Variants in MYO9A observed in about 807,000 individuals in gnomAD.
MYO9A encodes the protein unconventional myosin-IXa.
A neutral mutation model predicts 293.3 loss-of-function variants in MYO9A; 103 were observed. The observed-to-expected ratio is 0.35, with a 90% CI of 0.30 to 0.41. MYO9A has a LOEUF of 0.41. MYO9A is among the 10% of genes least tolerant of loss of function. MYO9A has a pLI of 1.00. For synonymous variants in MYO9A, 1,001 were observed against 1,035.7 expected (o/e 0.97, Z 0.64); for missense variants, 2,685 against 3,033.0 (o/e 0.89, Z 2.69).
At position 72,038,768 on chromosome 15, in the gene MYO9A, T is replaced by A. The variant is rs376754765; in HGVS notation, c.841-6180A>T. Among the ~76,000 whole-genome samples, 5 of 152,294 alleles carry A rather than the reference T, an allele frequency of 3.3e-5. No homozygotes were observed. In the East Asian group the frequency reaches 7.7e-4, roughly 23 times the overall value. ...CCAGATCAGCCCAAGACTGCTACCATGTGTATTATGACGTGAGAGAAATAA... is the reference window on the plus strand; with the variant it reads ...CCAGATCAGCCCAAGACTGCTACCAAGTGTATTATGACGTGAGAGAAATAA... On this transcript the variant is annotated intron_variant, in intron 2 of 41. Transcript: ENST00000356056.
chr15:72,043,285 T>C (rs554893700), intron 2 of MYO9A, among the ~76,000 whole-genome samples: 1 of 152,220 alleles, frequency 6.6e-6, no homozygotes, highest in Admixed American at 6.5e-5. Flanking sequence ...AACTATAAAA[T>C]ACTGCCAAGA....
rs78088845 is a variant in MYO9A, at chr15:71,851,147, A to G, written c.6581+106T>C. On this transcript the variant is annotated intron_variant, in intron 37 of 41. Transcript: ENST00000356056. The stretch of plus-strand genomic sequence containing the variant: ...TTGAGACACTGACTTTATAAATAGA[A>G]GAAAAAATAAATACCTGTCAGTCTT... 1.9e-3 allele frequency: 1,659 copies of G among 857,302 alleles called. 12 individuals are homozygous for G. The East Asian group carries it at 0.023, about 12-fold the overall frequency. 53.1% of individuals were successfully genotyped at this position (857,302 alleles called of 1,614,324 possible).
In MYO9A at chr15:72,021,122, T is replaced by G. The variant is rs180808059; in HGVS notation, c.999-105A>C. ...AGTAATTAGTAAAATGTATCAGCTT[T>G]GCTTCATTTTTTAATATAAATGTGA... is the stretch of plus-strand genomic sequence containing the variant. On this transcript the variant is annotated intron_variant, in intron 4 of 41. Coordinates refer to ENST00000356056, the MANE Select transcript of MYO9A (RefSeq NM_006901.4). The G allele has an allele frequency of 7.6e-6, 5 of 659,128 alleles. No individual in the cohort carries two copies. The East Asian group carries it at 1.6e-4, about 22-fold the overall frequency. 40.8% of individuals were successfully genotyped at this position (659,128 alleles called of 1,614,324 possible).
At position 71,824,190 on chromosome 15, in the gene MYO9A, T is replaced by C. The variant is rs1351548097; in HGVS notation, c.*2390A>G. 7 of 151,982 alleles carry C rather than the reference T, an allele frequency of 4.6e-5. No homozygotes were observed. The highest frequency in any genetic ancestry group is 1.0e-4 in the Non-Finnish European group (7 of 67,962). 9.4% of individuals were successfully genotyped at this position (151,982 alleles called of 1,614,324 possible). On this transcript the variant is annotated 3_prime_UTR_variant, in exon 42 of 42. Transcript: ENST00000356056. Reference sequence around the variant, plus strand: ...ACTAGAAATCCACAAATCTAGCAACTGAAAAAACAAGTTTTTTTAATTGAA... The same window carrying C: ...ACTAGAAATCCACAAATCTAGCAACCGAAAAAACAAGTTTTTTTAATTGAA...
At chr15:72,060,477 C>T (rs891702867) in intron 1 of MYO9A, among the ~76,000 whole-genome samples, 18 of 152,092 alleles carry the variant, frequency 1.2e-4, no homozygotes, top group Non-Finnish European at 7.4e-5. Context: ...CCAACACCAC[C>T]CTATCCTCTA....
intron 9 of MYO9A, among the ~76,000 whole-genome samples, chr15:71,995,293 C>A (rs975308203): frequency 3.3e-5 from 5 of 152,110 alleles, no homozygotes; most frequent in African/African-American, 1.2e-4. Flanking sequence ...TCTGTGGAAT[C>A]CTAATCACCC....
intron 1 of MYO9A, among the ~76,000 whole-genome samples, chr15:72,113,885 C>T (rs938813366): frequency 4.6e-5 from 7 of 152,182 alleles, no homozygotes; most frequent in Non-Finnish European, 8.8e-5. Flanking sequence ...GCAACAGGAG[C>T]TAACCTCTTT....
intron 32 of MYO9A, among the ~76,000 whole-genome samples, chr15:71,868,319 G>A (rs1196942851): frequency 6.6e-6 from 1 of 152,196 alleles, no homozygotes; most frequent in African/African-American, 2.4e-5. Flanking sequence ...GACATCAAAA[G>A]AGGATTGAGT....
chr15:72,070,433 A>G (rs1250730921), intron 1 of MYO9A, among the ~76,000 whole-genome samples: 2 of 151,586 alleles, frequency 1.3e-5, no homozygotes, highest in Non-Finnish European at 2.9e-5. Flanking sequence ...GGCCTGGGCA[A>G]CAGATTGAGA....
chr15:71,874,839 C>T (rs1039655580), intron 32 of MYO9A, among the ~76,000 whole-genome samples: 1 of 152,156 alleles, frequency 6.6e-6, no homozygotes, highest in Non-Finnish European at 1.5e-5. Context: ...CATTCACACA[C>T]ATTTGTACAT....
chr15:71,994,263 T>C (rs563386829), intron 10 of MYO9A, among the ~76,000 whole-genome samples: 1 of 152,280 alleles, frequency 6.6e-6, no homozygotes, highest in South Asian at 2.1e-4. Context: ...ACTCTGAATA[T>C]ACACGTTCGG....
chr15:71,938,997 TA>T, intron 15 of MYO9A, 70 bp from the exon 16 acceptor site: 1 of 1,257,798 alleles, frequency 8.0e-7, no homozygotes, highest in Non-Finnish European at 1.1e-6. Context: ...ATAGTTTTTC[TA>T]AAGACAAACG....
At chr15:72,107,419 C>T (rs981578039) in intron 1 of MYO9A, among the ~76,000 whole-genome samples, 1 of 151,990 alleles carries the variant, frequency 6.6e-6, no homozygotes, top group African/African-American at 2.4e-5. Context: ...TATAGTGGCG[C>T]GCGCCTGTAA....
intron 1 of MYO9A, among the ~76,000 whole-genome samples, chr15:72,047,747 A>G (rs2078429555): frequency 6.6e-6 from 1 of 150,790 alleles, no homozygotes; most frequent in African/African-American, 2.4e-5. Flanking sequence ...TAAAAAAATA[A>G]TAAGAAGAAA....
chr15:71,893,907 A>AT, intron 25 of MYO9A, 129 bp from the exon 26 acceptor site: 1 of 724,382 alleles, frequency 1.4e-6, no homozygotes, highest in Non-Finnish European at 2.3e-6. Flanking sequence ...ATTAAGTCAT[A>AT]TTTTTTCTGC....
chr15:72,022,748 G>A (rs1404164257), intron 4 of MYO9A, among the ~76,000 whole-genome samples: 1 of 151,758 alleles, frequency 6.6e-6, no homozygotes, highest in African/African-American at 2.4e-5. Flanking sequence ...GAGTCTCCCC[G>A]TGTTGCCCAG....
chr15:72,111,620 A>T (rs1295983894), intron 1 of MYO9A, among the ~76,000 whole-genome samples: 1 of 146,626 alleles, frequency 6.8e-6, no homozygotes, highest in African/African-American at 2.5e-5. Context: ...TAGTCTTATG[A>T]GGCAAATATT....
At chr15:71,974,954 G>T (rs1311964964) in intron 12 of MYO9A, among the ~76,000 whole-genome samples, 1 of 152,188 alleles carries the variant, frequency 6.6e-6, no homozygotes, top group Non-Finnish European at 1.5e-5. Context: ...GAATAAATGG[G>T]TTATTCATTG....
intron 38 of MYO9A, 31 bp from the exon 39 acceptor site, chr15:71,848,999 TAA>T (rs1474274390): frequency 1.9e-6 from 3 of 1,559,354 alleles, no homozygotes; most frequent in Non-Finnish European, 8.6e-7. Flanking sequence ...AAAAAACTGT[TAA>T]GAGGTGAAGT....
Sources: allele counts gnomAD v4.1 joint callset (sites outside exome capture counted in the v4.1 genomes callset), GRCh38; gene constraint gnomAD v4.1.1; transcripts MANE v1.5; gene names NCBI Gene and HGNC (gene_info 2026-07-23, HGNC 2026-07-21).